The following COLEC10 variants were observed in gnomAD, a reference collection of about 807,000 sequenced individuals.
COLEC10 encodes collectin subfamily member 10.
COLEC10 carries 22 observed loss-of-function variants against 28.4 expected under a neutral mutation model. The ratio of observed to expected loss-of-function variants is 0.78; its 90% CI spans 0.55 to 1.11. The LOEUF (loss-of-function observed/expected upper bound fraction) is 1.11, where lower values mean the gene tolerates loss of function less well. Among genes scored for constraint, COLEC10 ranks in the 50% least tolerant of loss-of-function variants. COLEC10 has a pLI of 0.00. For synonymous variants in COLEC10, 125 were observed against 116.1 expected (o/e 1.08, Z -0.49); for missense variants, 361 against 344.1 (o/e 1.05, Z -0.39).
At chr8:118,964,084 A>C in the COLEC10 span, among the ~76,000 whole-genome samples, 1 of 152,202 alleles carries the variant, frequency 6.6e-6, no homozygotes, top group Admixed American at 6.5e-5. Flanking sequence ...TTTCTATTAA[A>C]AAGTCAGGGA....
At chr8:118,960,785 G>GGA in the COLEC10 span, among the ~76,000 whole-genome samples, 32 of 72,556 alleles carry the variant, frequency 4.4e-4, no homozygotes, top group African/African-American at 1.4e-3. Context: ...GAGACTCTGT[G>GGA]AAAAAAAAAA....
intron 2 of COLEC10, among the ~76,000 whole-genome samples, chr8:119,022,727 C>T (rs942857867): frequency 5.3e-5 from 8 of 152,040 alleles, no homozygotes; most frequent in African/African-American, 1.7e-4. Context: ...TACCCAGTCC[C>T]CTCCACTGGC....
At chr8:118,975,172 C>A in the COLEC10 span, among the ~76,000 whole-genome samples, 2 of 151,914 alleles carry the variant, frequency 1.3e-5, no homozygotes, top group African/African-American at 4.8e-5. Flanking sequence ...AGGATGAAAG[C>A]GATTTACATT....
At chr8:118,996,003 C>T (rs1253758742) in intron 1 of COLEC10, among the ~76,000 whole-genome samples, 3 of 152,236 alleles carry the variant, frequency 2.0e-5, no homozygotes, top group South Asian at 4.2e-4. Flanking sequence ...ATTCATCTTG[C>T]ATAGTTGAAA....
At chr8:119,048,807 C>CT (rs200540765) in intron 2 of COLEC10, among the ~76,000 whole-genome samples, 5,298 of 152,128 alleles carry the variant, frequency 0.035, 161 homozygotes, top group Middle Eastern at 0.075. Flanking sequence ...CACTCTATAG[C>CT]TTTTAAATGG....
At chr8:118,997,711 C>T (rs986258724) in intron 1 of COLEC10, among the ~76,000 whole-genome samples, 1 of 152,164 alleles carries the variant, frequency 6.6e-6, no homozygotes, top group African/African-American at 2.4e-5. Context: ...TGCTATAGCT[C>T]TTCCTCCATT....
At position 119,069,589 on chromosome 8, in the gene COLEC10, GAGT is replaced by G. The variant is rs1253365644; in HGVS notation, c.148+2161_148+2163del. 2.3e-4 allele frequency among the ~76,000 whole-genome samples: 23 copies of G among 100,992 alleles called. 1 individual carries two copies. The highest frequency in any genetic ancestry group is 1.5e-3 in the Admixed American group (10 of 6,822). 66.3% of individuals were successfully genotyped at this position (100,992 alleles called of 152,430 possible). On this transcript the variant is annotated intron_variant, in intron 1 of 5. Transcript: ENST00000332843. Reference sequence around the variant, plus strand: ...CCACTTCACTCCAGCCTGGACAACAGAGTGAGACCCCATCTCAAAAAAAAAAAA... The same window carrying G: ...CCACTTCACTCCAGCCTGGACAACAGGAGACCCCATCTCAAAAAAAAAAAA...
At chr8:119,030,433 G>C (rs1012129976) in intron 2 of COLEC10, among the ~76,000 whole-genome samples, 1 of 152,106 alleles carries the variant, frequency 6.6e-6, no homozygotes, top group African/African-American at 2.4e-5. Flanking sequence ...GGAGACTGAG[G>C]TGGGCAGATC....
chr8:119,010,524 G>A (rs866678361), intron 2 of COLEC10, among the ~76,000 whole-genome samples: 1 of 150,850 alleles, frequency 6.6e-6, no homozygotes, highest in Middle Eastern at 3.4e-3. Flanking sequence ...AAATATCAAG[G>A]AACACAATTA....
intron 3 of COLEC10, among the ~76,000 whole-genome samples, chr8:119,097,073 A>G (rs760636337): frequency 6.6e-6 from 1 of 152,148 alleles, no homozygotes; most frequent in Admixed American, 6.6e-5. Context: ...TGAAAAATTT[A>G]TAGCTTGAAA....
At chr8:119,100,473 TA>T (rs1170150951) in intron 3 of COLEC10, among the ~76,000 whole-genome samples, 3 of 152,154 alleles carry the variant, frequency 2.0e-5, no homozygotes, top group Non-Finnish European at 4.4e-5. Flanking sequence ...AACTTACAGG[TA>T]AGAGAAATAA....
At chr8:118,993,578 C>T (rs551894173), upstream of COLEC10, among the ~76,000 whole-genome samples, 1 of 152,224 alleles carries the variant, frequency 6.6e-6, no homozygotes, top group South Asian at 2.1e-4. Context: ...TGGTCTCAAA[C>T]TCCTGACATA....
chr8:119,106,246 T>A lies in COLEC10; in HGVS notation c.*55T>A. 1 of 1,519,062 alleles carries A rather than the reference T, an allele frequency of 6.6e-7. No individual in the cohort carries two copies. The highest frequency in any genetic ancestry group is 1.8e-4 in the Middle Eastern group (1 of 5,628). 94.1% of individuals were successfully genotyped at this position (1,519,062 alleles called of 1,614,324 possible). On this transcript the variant is annotated 3_prime_UTR_variant, in exon 6 of 6. Coordinates refer to ENST00000332843, the MANE Select transcript of COLEC10 (RefSeq NM_006438.5). ...CCTGTGACCGTCATTACAGTTATTG[T>A]TATCCATCCTTTTTTTCCTGATTGT...
At chr8:119,067,245 G>C, upstream of COLEC10, 2 of 1,604,812 alleles carry the variant, frequency 1.2e-6, no homozygotes, top group Non-Finnish European at 8.5e-7. Context: ...TGTTTATTTG[G>C]CATTTCTGGG....
At position 119,095,430 on chromosome 8, in the gene COLEC10, C is replaced by T. The variant is rs186347036; in HGVS notation, c.292+4210C>T. ...CAAAATCCCAGAAGTGGGCCAGGCACGGTGGCTCATGCTTTTAATCCTAGC... is the reference window on the plus strand; with the variant it reads ...CAAAATCCCAGAAGTGGGCCAGGCATGGTGGCTCATGCTTTTAATCCTAGC... On this transcript the variant is annotated intron_variant, in intron 3 of 5. Transcript: ENST00000332843. Among the ~76,000 whole-genome samples the T allele has an allele frequency of 4.6e-3, 696 of 152,256 alleles. 2 individuals carry two copies. The highest frequency in any genetic ancestry group is 6.3e-3 in the Non-Finnish European group (430 of 68,020).
rs1259687543 is a variant in COLEC10, at chr8:119,106,535, T to A, written c.*344T>A. ...CTAGAGCACTCTGTGTCTATCCCAG[T>A]GGATAATTTCCCAGTTTACTGGTGA... On this transcript the variant is annotated 3_prime_UTR_variant, in exon 6 of 6. Transcript: ENST00000332843. The A allele has an allele frequency of 1.1e-5, 2 of 188,460 alleles. No homozygotes were observed. Among genetic ancestry groups the A allele is most frequent in the Admixed American group, 1.1e-4 (2 of 18,914 alleles). The allele number at this position is 188,460 out of a possible 1,614,324, so 11.7% of individuals were successfully genotyped here.
At chr8:119,093,067 T>C (rs1815642592) in intron 3 of COLEC10, among the ~76,000 whole-genome samples, 1 of 152,208 alleles carries the variant, frequency 6.6e-6, no homozygotes, top group Non-Finnish European at 1.5e-5. Flanking sequence ...ATGCAAGAGA[T>C]GCTTGTACAA....
At chr8:119,004,584 T>C (rs538799082) in intron 1 of COLEC10, among the ~76,000 whole-genome samples, 4 of 151,234 alleles carry the variant, frequency 2.6e-5, no homozygotes, top group African/African-American at 9.7e-5. Flanking sequence ...TATGCTTGAA[T>C]ATATCAATCA....
At chr8:119,098,858 G>A (rs147524869) in intron 3 of COLEC10, among the ~76,000 whole-genome samples, 7 of 151,978 alleles carry the variant, frequency 4.6e-5, no homozygotes, top group South Asian at 2.1e-4. Context: ...CGTCTCACTC[G>A]GATTAATTTC....
Sources: gnomAD v4.1 joint callset for allele counts (sites outside exome capture counted in the v4.1 genomes callset) on GRCh38, gnomAD v4.1.1 for gene constraint, MANE v1.5 for transcripts, NCBI Gene and HGNC (gene_info 2026-07-23, HGNC 2026-07-21) for gene names.